The following ATXN7L1 variants were observed in gnomAD, a reference collection of about 807,000 sequenced individuals.
ATXN7L1 encodes the protein ataxin-7-like protein 1.
In ATXN7L1, 15 loss-of-function variants were observed where a neutral mutation model predicts 70.8. The ratio of observed to expected loss-of-function variants is 0.21; its 90% CI spans 0.14 to 0.33. ATXN7L1 has a LOEUF of 0.33. Among genes scored for constraint, ATXN7L1 ranks in the 10% least tolerant of loss-of-function variants. The pLI is 1.00. For synonymous variants in ATXN7L1, 440 were observed against 445.1 expected (o/e 0.99, Z 0.14); for missense variants, 975 against 1,097.1 (o/e 0.89, Z 1.57).
intron 4 of ATXN7L1, among the ~76,000 whole-genome samples, chr7:105,651,532 C>T (rs1189482844): frequency 6.6e-6 from 1 of 152,210 alleles, no homozygotes; most frequent in Non-Finnish European, 1.5e-5. Flanking sequence ...GGCAGAAGCA[C>T]CAGCAGAGGG....
At chr7:105,727,914 T>C (rs1796103470) in intron 3 of ATXN7L1, among the ~76,000 whole-genome samples, 1 of 150,654 alleles carries the variant, frequency 6.6e-6, no homozygotes, top group Non-Finnish European at 1.5e-5. Context: ...AACAACCGTA[T>C]GTATGTTTAG....
intron 3 of ATXN7L1, among the ~76,000 whole-genome samples, chr7:105,705,205 T>C: frequency 6.6e-6 from 1 of 151,714 alleles, no homozygotes; most frequent in Non-Finnish European, 1.5e-5. Context: ...ATTGTATTTT[T>C]AGTAGTAATG....
chr7:105,859,400 T>C (rs1179649814), intron 2 of ATXN7L1, among the ~76,000 whole-genome samples: 1 of 152,138 alleles, frequency 6.6e-6, no homozygotes, highest in Non-Finnish European at 1.5e-5. Context: ...AATATATATA[T>C]ATACACATAC....
chr7:105,820,735 G>A (rs764913727), intron 2 of ATXN7L1, among the ~76,000 whole-genome samples: 6 of 152,150 alleles, frequency 3.9e-5, no homozygotes, highest in Non-Finnish European at 7.4e-5. Flanking sequence ...CAATGTTGAA[G>A]GTGGGCCCTA....
chr7:105,693,497 G>T (rs950073487), intron 3 of ATXN7L1, among the ~76,000 whole-genome samples: 39 of 152,094 alleles, frequency 2.6e-4, no homozygotes, highest in Admixed American at 7.9e-4. Context: ...GACCGAGTGA[G>T]AAATTTTAAA....
intron 3 of ATXN7L1, among the ~76,000 whole-genome samples, chr7:105,670,654 T>G (rs1803401562): frequency 7.9e-6 from 1 of 126,266 alleles, no homozygotes. Flanking sequence ...TACCTACTAT[T>G]TATCTTTAAA....
chr7:105,708,630 G>A (rs1793480019), intron 3 of ATXN7L1, among the ~76,000 whole-genome samples: 1 of 152,230 alleles, frequency 6.6e-6, no homozygotes, highest in Non-Finnish European at 1.5e-5. Context: ...CTGATGAGGT[G>A]TTAAGTTCCT....
intron 3 of ATXN7L1, among the ~76,000 whole-genome samples, chr7:105,709,345 G>A (rs549558): frequency 0.071 from 10,635 of 150,036 alleles, 407 homozygotes; most frequent in South Asian, 0.14. Context: ...ACAAAAAAAA[G>A]AATTTTTTTT....
At chr7:105,720,395 C>G (rs1795052841) in intron 3 of ATXN7L1, among the ~76,000 whole-genome samples, 1 of 152,114 alleles carries the variant, frequency 6.6e-6, no homozygotes, top group Non-Finnish European at 1.5e-5. Flanking sequence ...AAACCTGCCT[C>G]TTGCCTAGGT....
In ATXN7L1 at chr7:105,605,793, C is replaced by T. The variant is rs1051010089; in HGVS notation, c.*2059G>A. 1 of 152,166 alleles carries T rather than the reference C, an allele frequency of 6.6e-6. No individual in the cohort carries two copies. The highest frequency in any genetic ancestry group is 2.4e-5 in the African/African-American group (1 of 41,438). The allele number at this position is 152,166 out of a possible 1,614,324, so 9.4% of individuals were successfully genotyped here. ...ATAACAAAGATATGTACATACTTTT[C>T]AGTCTGAAGAAATGTACAATAAAAA... On this transcript the variant is annotated 3_prime_UTR_variant, in exon 12 of 12. Coordinates refer to ENST00000419735, the MANE Select transcript of ATXN7L1 (RefSeq NM_020725.2).
At chr7:105,801,341 C>T (rs570748587) in intron 2 of ATXN7L1, among the ~76,000 whole-genome samples, 6 of 152,276 alleles carry the variant, frequency 3.9e-5, no homozygotes, top group Admixed American at 3.3e-4. Context: ...TGAATACGAC[C>T]TGTAACTTTC....
At chr7:105,714,811 C>T (rs1794342081) in intron 3 of ATXN7L1, among the ~76,000 whole-genome samples, 1 of 152,150 alleles carries the variant, frequency 6.6e-6, no homozygotes, top group Non-Finnish European at 1.5e-5. Flanking sequence ...TACAGGTGCC[C>T]ACCAGCAAAC....
chr7:105,669,484 GT>G (rs1487161686), intron 3 of ATXN7L1, among the ~76,000 whole-genome samples: 1 of 152,094 alleles, frequency 6.6e-6, no homozygotes, highest in East Asian at 1.9e-4. Flanking sequence ...TTTTTTGGTT[GT>G]TTGATGTGTG....
At chr7:105,788,552 G>C in intron 3 of ATXN7L1, 52 bp downstream of exon 3, 1 of 1,432,436 alleles carries the variant, frequency 7.0e-7, no homozygotes, top group South Asian at 1.1e-5. Flanking sequence ...GAAGGCGACT[G>C]TCCCCAGGGC....
At chr7:105,771,314 T>G (rs184607833) in intron 3 of ATXN7L1, among the ~76,000 whole-genome samples, 1 of 151,988 alleles carries the variant, frequency 6.6e-6, no homozygotes, top group Middle Eastern at 3.2e-3. Context: ...CAGTAAAGTT[T>G]TGAGAATCAA....
intron 2 of ATXN7L1, among the ~76,000 whole-genome samples, chr7:105,823,255 C>T (rs1249481023): frequency 6.6e-6 from 1 of 152,162 alleles, no homozygotes; most frequent in Non-Finnish European, 1.5e-5. Context: ...CATGAATCAT[C>T]TTTTGTTGTA....
At chr7:105,842,315 A>G (rs1044825038) in intron 2 of ATXN7L1, among the ~76,000 whole-genome samples, 4 of 152,062 alleles carry the variant, frequency 2.6e-5, no homozygotes, top group Admixed American at 2.0e-4. Context: ...AGCTACTACC[A>G]CTATCTAATA....
intron 2 of ATXN7L1, chr7:105,819,416 G>C (rs1809725327): frequency 3.6e-6 from 2 of 557,514 alleles, no homozygotes; most frequent in Non-Finnish European, 6.5e-6. Context: ...TTAGAGCAAA[G>C]CAAAATGCAT....
At chr7:105,752,216 C>T (rs921132153) in intron 3 of ATXN7L1, among the ~76,000 whole-genome samples, 1 of 152,148 alleles carries the variant, frequency 6.6e-6, no homozygotes, top group Admixed American at 6.5e-5. Context: ...CTTCTTGTTG[C>T]CTTTGACCTC....
Sources: gnomAD v4.1 joint callset for allele counts (sites outside exome capture counted in the v4.1 genomes callset) on GRCh38, gnomAD v4.1.1 for gene constraint, MANE v1.5 for transcripts, NCBI Gene and HGNC (gene_info 2026-07-23, HGNC 2026-07-21) for gene names.